FHIT: variants seen among roughly 807,000 people sequenced by gnomAD.
FHIT encodes fragile histidine triad diadenosine triphosphatase.
Under a neutral mutation model 17.9 loss-of-function variants are expected in FHIT, and 19 were observed. That is an observed-to-expected ratio of 1.06 (90% CI 0.74 to 1.56). The LOEUF (loss-of-function observed/expected upper bound fraction) is 1.56, where lower values mean the gene tolerates loss of function less well. Among genes scored for constraint, FHIT ranks in the 40% most tolerant of loss-of-function variants. The pLI, the probability that FHIT is intolerant of heterozygous loss-of-function variation, is 0.00. For synonymous variants in FHIT, 81 were observed against 69.7 expected, an observed-to-expected ratio of 1.16 and a Z score of -0.81; for missense variants, 248 against 189.2, an observed-to-expected ratio of 1.31 and a Z score of -1.82.
intron 3 of FHIT, among the ~76,000 whole-genome samples, chr3:60,922,646 G>A (rs782813908): frequency 3.3e-5 from 5 of 152,098 alleles, no homozygotes; most frequent in Admixed American, 2.6e-4. Context: ...TGGAAGCCTT[G>A]TTTACTCAAC....
chr3:60,775,364 C>T (rs1021640083), intron 4 of FHIT, among the ~76,000 whole-genome samples: 1 of 152,118 alleles, frequency 6.6e-6, no homozygotes, highest in Non-Finnish European at 1.5e-5. Flanking sequence ...GGGGTGGAGC[C>T]TCGGGAATTT....
intron 5 of FHIT, among the ~76,000 whole-genome samples, chr3:60,509,218 C>T (rs1001740318): frequency 3.9e-5 from 6 of 152,150 alleles, no homozygotes; most frequent in African/African-American, 1.4e-4. Flanking sequence ...ATGGTTGGAG[C>T]TACATCACTT....
At chr3:60,706,071 C>A (rs1187410573) in intron 4 of FHIT, among the ~76,000 whole-genome samples, 16 of 152,134 alleles carry the variant, frequency 1.1e-4, no homozygotes, top group African/African-American at 3.6e-4. Flanking sequence ...AGGATATTAT[C>A]ATAATTATAA....
chr3:60,729,835 T>C (rs557009086), intron 4 of FHIT, among the ~76,000 whole-genome samples: 1 of 152,252 alleles, frequency 6.6e-6, no homozygotes, highest in South Asian at 2.1e-4. Context: ...GGAGGCAGCA[T>C]TTAATTAGGA....
chr3:60,558,472 C>T (rs1002347299), intron 4 of FHIT, among the ~76,000 whole-genome samples: 2 of 151,858 alleles, frequency 1.3e-5, no homozygotes, highest in African/African-American at 2.4e-5. Flanking sequence ...TTGAGTATGC[C>T]ATTGGCCTGT....
At chr3:61,207,008 A>T (rs1001180166) in intron 1 of FHIT, among the ~76,000 whole-genome samples, 6 of 152,172 alleles carry the variant, frequency 3.9e-5, no homozygotes, top group Non-Finnish European at 2.9e-5. Flanking sequence ...TACCTAATTT[A>T]TTGAGAGTTT....
At chr3:60,304,044 T>A (rs1177956802) in intron 5 of FHIT, among the ~76,000 whole-genome samples, 2 of 152,166 alleles carry the variant, frequency 1.3e-5, no homozygotes, top group African/African-American at 2.4e-5. Context: ...GACCTGCACC[T>A]TGGCTCTTGC....
chr3:60,223,111 G>A (rs1050377144), intron 5 of FHIT, among the ~76,000 whole-genome samples: 3 of 152,180 alleles, frequency 2.0e-5, no homozygotes, highest in African/African-American at 7.2e-5. Context: ...CTGGATCAGA[G>A]ATGAAGGAAG....
At chr3:60,969,743 G>A (rs1709914775) in intron 3 of FHIT, among the ~76,000 whole-genome samples, 1 of 152,072 alleles carries the variant, frequency 6.6e-6, no homozygotes, top group Non-Finnish European at 1.5e-5. Context: ...TTATGTCTAG[G>A]TATATATTAT....
intron 3 of FHIT, among the ~76,000 whole-genome samples, chr3:61,036,328 T>C (rs571938018): frequency 1.3e-5 from 2 of 152,022 alleles, no homozygotes; most frequent in Admixed American, 1.3e-4. Flanking sequence ...CCCCCTGATC[T>C]AATCACCCCC....
intron 5 of FHIT, among the ~76,000 whole-genome samples, chr3:60,361,789 G>A (rs916431312): frequency 3.3e-5 from 5 of 152,236 alleles, no homozygotes; most frequent in African/African-American, 4.8e-5. Flanking sequence ...CTCCTGACTC[G>A]TACAAACACC....
chr3:60,428,467 T>C (rs1702758328), intron 5 of FHIT, among the ~76,000 whole-genome samples: 1 of 152,182 alleles, frequency 6.6e-6, no homozygotes, highest in African/African-American at 2.4e-5. Context: ...TCCTACTTGG[T>C]AGCTTCATCA....
chr3:60,371,362 T>TAAAA (rs1316514462), intron 5 of FHIT, among the ~76,000 whole-genome samples: 2 of 141,784 alleles, frequency 1.4e-5, no homozygotes, highest in Admixed American at 1.4e-4. Flanking sequence ...TATTTTCTTC[T>TAAAA]AGCTTTTTTT....
chr3:60,497,271 A>G (rs553212087), intron 5 of FHIT, among the ~76,000 whole-genome samples: 2 of 152,136 alleles, frequency 1.3e-5, no homozygotes, highest in South Asian at 2.1e-4. Context: ...AGGAAGGAGA[A>G]TAAGATGACA....
chr3:60,327,011 C>A (rs919498596), intron 5 of FHIT, among the ~76,000 whole-genome samples: 8 of 152,100 alleles, frequency 5.3e-5, no homozygotes, highest in Non-Finnish European at 7.4e-5. Flanking sequence ...AAGTGAATGC[C>A]AGGAAAATGA....
At chr3:60,182,339 A>G (rs1701973602) in intron 5 of FHIT, among the ~76,000 whole-genome samples, 1 of 152,188 alleles carries the variant, frequency 6.6e-6, no homozygotes. Flanking sequence ...TAAACCAAAT[A>G]TCAATGATTC....
chr3:60,116,990 AT>A lies in FHIT; in HGVS notation c.104-102839del, dbSNP rs571599794. ...TAAAAAAATGATTTAAATACAGGAA[AT>A]AATTGTTATTAAATACATCTTCTAG... On this transcript the variant is annotated intron_variant, in intron 5 of 9. Transcript: ENST00000492590. Among the ~76,000 whole-genome samples the A allele has an allele frequency of 5.9e-5, 9 of 152,334 alleles. No individual in the cohort carries two copies. In the South Asian group the frequency reaches 1.9e-3, roughly 32 times the overall value.
rs539389079 is a variant in FHIT at position 60,543,604 on chromosome 3, G to T, written c.-17-6625C>A. 8.6e-5 allele frequency among the ~76,000 whole-genome samples: 13 copies of T among 152,028 alleles called. No individual in the cohort carries two copies. The South Asian group carries it at 1.7e-3, about 19-fold the overall frequency. On this transcript the variant is annotated intron_variant, in intron 4 of 9. Coordinates refer to ENST00000492590, the MANE Select transcript of FHIT (RefSeq NM_002012.4). ...TTAGTTTATGTCACTATTATAAATG[G>T]TATCTTATTATTGTCATAGTTTATA...
intron 3 of FHIT, among the ~76,000 whole-genome samples, chr3:61,011,439 A>C (rs1300012225): frequency 3.3e-5 from 5 of 152,286 alleles, no homozygotes; most frequent in East Asian, 3.9e-4. Flanking sequence ...TATGAATATC[A>C]GTTATTGAAA....
Sources: allele counts gnomAD v4.1 joint callset (sites outside exome capture counted in the v4.1 genomes callset), GRCh38; gene constraint gnomAD v4.1.1; transcripts MANE v1.5; gene names NCBI Gene and HGNC (gene_info 2026-07-23, HGNC 2026-07-21).